The following TVP23B variants were observed in gnomAD, a reference collection of about 807,000 sequenced individuals.
TVP23B encodes trans-golgi network vesicle protein 23 homolog B.
TVP23B carries 10 observed loss-of-function variants against 30.6 expected under a neutral mutation model. That is an observed-to-expected ratio of 0.33 (90% CI 0.20 to 0.55). The LOEUF (loss-of-function observed/expected upper bound fraction) is 0.55, where lower values mean the gene tolerates loss of function less well. Ranked by LOEUF, TVP23B falls within the 20% of genes least tolerant of loss-of-function variation. TVP23B has a pLI of 0.91. For missense variants in TVP23B, 153 were observed against 243.2 expected (o/e 0.63, Z 2.47); for synonymous variants, 67 against 83.1 (o/e 0.81, Z 1.06).
At chr17:18,805,274 C>T (rs564082013) in intron 6 of TVP23B, among the ~76,000 whole-genome samples, 118 of 150,334 alleles carry the variant, frequency 7.8e-4, no homozygotes, top group Middle Eastern at 3.4e-3. Flanking sequence ...TTAGTAGAGA[C>T]GGGGTTTCAC....
In TVP23B at chr17:18,805,793, T is replaced by G; in HGVS notation, c.*226T>G. ...TTGGCACTAGAAACATTGTCAAGAT[T>G]TGTTCTGTGGTGTAGGTATGCACAT... On this transcript the variant is annotated 3_prime_UTR_variant, in exon 7 of 7. Coordinates refer to ENST00000307767, the MANE Select transcript of TVP23B (RefSeq NM_016078.6). The G allele has an allele frequency of 1.4e-6, 2 of 1,410,684 alleles. No individual in the cohort carries two copies. Among genetic ancestry groups the G allele is most frequent in the Non-Finnish European group, 1.8e-6 (2 of 1,083,738 alleles). 87.4% of individuals were successfully genotyped at this position (1,410,684 alleles called of 1,614,324 possible).
intron 3 of TVP23B, among the ~76,000 whole-genome samples, 161 bp downstream of exon 3, chr17:18,791,201 T>TTG (rs2035989215): frequency 6.8e-6 from 1 of 146,504 alleles, no homozygotes; most frequent in Admixed American, 6.9e-5. Flanking sequence ...TTTTTTTTTT[T>TTG]TTTTTTTTTT....
intron 1 of TVP23B, among the ~76,000 whole-genome samples, chr17:18,786,250 T>C (rs1044842463): frequency 1.3e-5 from 2 of 151,850 alleles, no homozygotes; most frequent in African/African-American, 4.8e-5. Flanking sequence ...AAATTCTTTT[T>C]GCCAAGTAAA....
chr17:18,783,092 G>GTTTATTTATTT (rs2035834093), intron 1 of TVP23B, among the ~76,000 whole-genome samples: 1 of 78,164 alleles, frequency 1.3e-5, no homozygotes, highest in Non-Finnish European at 3.1e-5. Context: ...TTTATTTATT[G>GTTTATTTATTT]ATTGATTGAT....
chr17:18,793,088 C>T (rs188465960), intron 3 of TVP23B, among the ~76,000 whole-genome samples: 67 of 152,092 alleles, frequency 4.4e-4, no homozygotes, highest in Non-Finnish European at 8.4e-4. Context: ...AGAAAGTTTA[C>T]AAATTTCTCC....
chr17:18,804,685 T>A (rs1290243424), intron 6 of TVP23B: 2 of 531,848 alleles, frequency 3.8e-6, no homozygotes, highest in Non-Finnish European at 5.0e-6. Context: ...GCCCCCCGGG[T>A]TCATGTGATT....
In TVP23B at chr17:18,781,313, G is replaced by C; in HGVS notation, c.12+8G>C. ...GCCGCCATGTTGCAGCAGGTGAGGG[G>C]CTGAGGGCTCGCTGGGAGGGTGGCG... On this transcript the variant is annotated splice_region_variant and intron_variant, in intron 1 of 6. Coordinates refer to ENST00000307767, the MANE Select transcript of TVP23B (RefSeq NM_016078.6). 6.3e-7 allele frequency: 1 copy of C among 1,579,460 alleles called. No individual in the cohort carries two copies. Among genetic ancestry groups the C allele is most frequent in the Non-Finnish European group, 8.6e-7 (1 of 1,163,800 alleles).
At chr17:18,791,187 G>GTTTTTTTTTT (rs762889436) in intron 3 of TVP23B, 147 bp downstream of exon 3, 3,080 of 112,638 alleles carry the variant, frequency 0.027, 23 homozygotes, top group East Asian at 0.065. Context: ...ATTGCATGTA[G>GTTTTTTTTTT]TTTTTTTTTT....
chr17:18,805,657 A>C lies in TVP23B; in HGVS notation c.*90A>C. 1 of 1,511,568 alleles carries C rather than the reference A, an allele frequency of 6.6e-7. No homozygotes were observed. Among genetic ancestry groups the C allele is most frequent in the Non-Finnish European group, 8.8e-7 (1 of 1,130,354 alleles). 93.6% of individuals were successfully genotyped at this position (1,511,568 alleles called of 1,614,324 possible). ...TTAGAGCTTAGTCCATGTTGCAACG[A>C]GGAGTGTTGGCTTTGTTTTTCCACT... On this transcript the variant is annotated 3_prime_UTR_variant, in exon 7 of 7. Transcript: ENST00000307767.
chr17:18,800,282 C>T (rs2036140123), intron 5 of TVP23B, among the ~76,000 whole-genome samples: 1 of 151,884 alleles, frequency 6.6e-6, no homozygotes, highest in South Asian at 2.1e-4. Flanking sequence ...CTTGTTTGTT[C>T]CAATGTTATT....
rs777135523 is a variant in TVP23B at position 18,789,448 on chromosome 17, A to G, written c.95+13A>G. On this transcript the variant is annotated intron_variant, in intron 2 of 6. Coordinates refer to ENST00000307767, the MANE Select transcript of TVP23B (RefSeq NM_016078.6). ...AAGCCAAAATCAGGTAGGAGGAGAGAAGTTGCATGAGCTGTGTTAGTGTCC... is the reference window on the plus strand; with the variant it reads ...AAGCCAAAATCAGGTAGGAGGAGAGGAGTTGCATGAGCTGTGTTAGTGTCC... 4 of 1,613,838 alleles carry G rather than the reference A, an allele frequency of 2.5e-6. No individual in the cohort carries two copies. The highest frequency in any genetic ancestry group is 3.4e-6 in the Non-Finnish European group (4 of 1,179,866).
At chr17:18,787,123 G>C (rs1229484349) in intron 1 of TVP23B, among the ~76,000 whole-genome samples, 1 of 151,964 alleles carries the variant, frequency 6.6e-6, no homozygotes. Context: ...GGTTGGGCGT[G>C]GTGGCTCACA....
chr17:18,790,411 C>A (rs577461772), intron 2 of TVP23B, among the ~76,000 whole-genome samples: 66 of 147,004 alleles, frequency 4.5e-4, no homozygotes, highest in Non-Finnish European at 8.4e-4. Context: ...TTGCAGTGAG[C>A]CGAGATTGTG....
rs552666385 is a variant in TVP23B at position 18,803,612 on chromosome 17, C to T, written c.463-526C>T. 4.6e-5 allele frequency among the ~76,000 whole-genome samples: 7 copies of T among 152,356 alleles called. No individual in the cohort carries two copies. In the East Asian group the frequency reaches 1.2e-3, roughly 25 times the overall value. ...TTCCCCTTGGAGCTGTCTCCCTGCT[C>T]GGGGAAGGCAGGCATCGGTTGATTT... On this transcript the variant is annotated intron_variant, in intron 5 of 6. Coordinates refer to ENST00000307767, the MANE Select transcript of TVP23B (RefSeq NM_016078.6).
intron 1 of TVP23B, among the ~76,000 whole-genome samples, chr17:18,783,535 A>C (rs1177705833): frequency 6.6e-6 from 1 of 152,150 alleles, no homozygotes; most frequent in Non-Finnish European, 1.5e-5. Context: ...TCAAATCTTC[A>C]ACGTTTCTTC....
intron 4 of TVP23B, among the ~76,000 whole-genome samples, chr17:18,798,281 A>G (rs1452739796): frequency 1.3e-5 from 2 of 152,172 alleles, no homozygotes; most frequent in African/African-American, 4.8e-5. Flanking sequence ...AGAAAGTGGC[A>G]CTGTGTTCAA....
Position 18,781,324 on chromosome 17 carries a change from G to C in TVP23B, c.12+19G>C. 1 of 1,577,314 alleles carries C rather than the reference G, an allele frequency of 6.3e-7. No homozygotes were observed. The highest frequency in any genetic ancestry group is 2.3e-5 in the East Asian group (1 of 43,120). On this transcript the variant is annotated intron_variant, in intron 1 of 6. Coordinates refer to ENST00000307767, the MANE Select transcript of TVP23B (RefSeq NM_016078.6). ...GCAGCAGGTGAGGGGCTGAGGGCTC[G>C]CTGGGAGGGTGGCGGCTCCTGGGAC...
chr17:18,788,461 A>G (rs1370449347), intron 1 of TVP23B, among the ~76,000 whole-genome samples: 1 of 152,050 alleles, frequency 6.6e-6, no homozygotes, highest in Admixed American at 6.6e-5. Flanking sequence ...GGCCTTGAAG[A>G]AGTTTATATG....
rs2035983475 is a variant in TVP23B, at chr17:18,790,963, G to A, written c.163G>A (p.Gly55Arg). 6.2e-7 allele frequency: 1 copy of A among 1,612,788 alleles called. No homozygotes were observed. The highest frequency in any genetic ancestry group is 2.2e-5 in the East Asian group (1 of 44,846). ...VSAIIVYLLC[G>R]LLSSSFITCM... ...TGCAATCATCGTCTATCTTCTCTGT[G>A]GGTTGCTCAGCAGCAGCTTTATTAC... Residue 55 changes from glycine (G) to arginine (R), a missense_variant, in exon 3 of 7, where the codon GGG becomes AGG. Coordinates refer to ENST00000307767, the MANE Select transcript of TVP23B (RefSeq NM_016078.6).
Sources: gnomAD v4.1 joint callset for allele counts (sites outside exome capture counted in the v4.1 genomes callset) on GRCh38, gnomAD v4.1.1 for gene constraint, MANE v1.5 for transcripts, NCBI Gene and HGNC (gene_info 2026-07-23, HGNC 2026-07-21) for gene names.